Variants in MPPED2 observed in about 807,000 individuals in gnomAD.
The protein encoded by MPPED2 is metallophosphoesterase MPPED2.
Under a neutral mutation model 33.0 loss-of-function variants are expected in MPPED2, and 5 were observed. The observed-to-expected ratio is 0.15, with a 90% CI of 0.08 to 0.32. The LOEUF (loss-of-function observed/expected upper bound fraction) is 0.32, where lower values mean the gene tolerates loss of function less well. Ranked by LOEUF, MPPED2 falls within the 10% of genes least tolerant of loss-of-function variation. MPPED2 has a pLI of 1.00. For missense variants in MPPED2, 275 were observed against 372.1 expected (o/e 0.74, Z 2.15); for synonymous variants, 136 against 141.9 (o/e 0.96, Z 0.29).
At chr11:30,410,173 C>A, downstream of MPPED2, 1 of 985,604 alleles carries the variant, frequency 1.0e-6, no homozygotes, top group Non-Finnish European at 1.2e-6. Context: ...TCCCTCCTTC[C>A]CCAGGACGAA....
At chr11:30,560,933 C>T (rs1358918210) in intron 2 of MPPED2, among the ~76,000 whole-genome samples, 1 of 152,128 alleles carries the variant, frequency 6.6e-6, no homozygotes, top group Non-Finnish European at 1.5e-5. Context: ...TAACGTGAAC[C>T]CTGGGTTGAC....
At chr11:30,419,397 T>C (rs182685004) in intron 4 of MPPED2, among the ~76,000 whole-genome samples, 313 of 152,354 alleles carry the variant, frequency 2.1e-3, no homozygotes, top group Non-Finnish European at 3.4e-3. Context: ...GACTCTTCTG[T>C]ACTCTTTCAA....
At chr11:30,399,857 G>A (rs1178423765) in intron 6 of MPPED2, among the ~76,000 whole-genome samples, 10 of 152,068 alleles carry the variant, frequency 6.6e-5, no homozygotes, top group African/African-American at 2.4e-4. Flanking sequence ...TTTTTAACAT[G>A]TTTGTATCCA....
intron 3 of MPPED2, among the ~76,000 whole-genome samples, chr11:30,499,614 G>A (rs1194558068): frequency 6.6e-6 from 1 of 152,064 alleles, no homozygotes; most frequent in East Asian, 1.9e-4. Context: ...TCCTTGGTGA[G>A]TTTATATTTA....
chr11:30,492,279 A>G (rs576859408), intron 4 of MPPED2, among the ~76,000 whole-genome samples: 1 of 152,228 alleles, frequency 6.6e-6, no homozygotes, highest in African/African-American at 2.4e-5. Flanking sequence ...CACAGCTACA[A>G]TCTAGTTTAG....
At chr11:30,487,339 G>A (rs535400236) in intron 4 of MPPED2, among the ~76,000 whole-genome samples, 1 of 152,318 alleles carries the variant, frequency 6.6e-6, no homozygotes, top group South Asian at 2.1e-4. Context: ...GCCCAGGGCT[G>A]CTGTCTCTCT....
chr11:30,498,079 TC>T (rs1387498918), intron 3 of MPPED2, among the ~76,000 whole-genome samples: 6 of 151,666 alleles, frequency 4.0e-5, no homozygotes, highest in South Asian at 2.1e-4. Flanking sequence ...TTTTTTTTTT[TC>T]CAGACTAGAT....
intron 3 of MPPED2, among the ~76,000 whole-genome samples, chr11:30,524,231 C>T (rs777552569): frequency 1.4e-4 from 21 of 150,800 alleles, no homozygotes; most frequent in Non-Finnish European, 2.7e-4. Context: ...CCAGCCTGGG[C>T]GACAAGAGTG....
intron 6 of MPPED2, among the ~76,000 whole-genome samples, chr11:30,401,309 T>C (rs1447592335): frequency 6.6e-6 from 1 of 152,188 alleles, no homozygotes; most frequent in Non-Finnish European, 1.5e-5. Flanking sequence ...AAGGCTTTGG[T>C]TGGGTTCTCT....
chr11:30,440,429 A>G (rs1009548060), intron 4 of MPPED2, among the ~76,000 whole-genome samples: 6 of 152,146 alleles, frequency 3.9e-5, no homozygotes, highest in African/African-American at 1.4e-4. Context: ...GTGAGTAGCC[A>G]TGACAGAGAC....
At chr11:30,414,788 C>T (rs537195716) in intron 5 of MPPED2, among the ~76,000 whole-genome samples, 134 of 152,236 alleles carry the variant, frequency 8.8e-4, no homozygotes, top group Admixed American at 1.5e-3. Flanking sequence ...TCACAAGATA[C>T]CCAGCTCTCT....
intron 2 of MPPED2, among the ~76,000 whole-genome samples, chr11:30,546,605 G>A (rs1565172558): frequency 6.6e-6 from 1 of 152,188 alleles, no homozygotes; most frequent in South Asian, 2.1e-4. Context: ...ATGGCTAATG[G>A]GCCTTCTTTA....
At chr11:30,422,106 T>C (rs1948640127) in intron 4 of MPPED2, among the ~76,000 whole-genome samples, 1 of 152,252 alleles carries the variant, frequency 6.6e-6, no homozygotes, top group African/African-American at 2.4e-5. Flanking sequence ...AGGTCCTCAC[T>C]GGTTCAGTTT....
At chr11:30,459,206 T>C (rs890660748) in intron 4 of MPPED2, among the ~76,000 whole-genome samples, 5 of 152,146 alleles carry the variant, frequency 3.3e-5, no homozygotes, top group Non-Finnish European at 7.3e-5. Flanking sequence ...GCACAGTTCT[T>C]AAGGTAAAGG....
chr11:30,521,299 A>G (rs1953863239), intron 3 of MPPED2, among the ~76,000 whole-genome samples: 1 of 152,192 alleles, frequency 6.6e-6, no homozygotes, highest in Admixed American at 6.5e-5. Context: ...TAGGGATGTA[A>G]CCATATGTCT....
intron 2 of MPPED2, among the ~76,000 whole-genome samples, chr11:30,554,287 T>C (rs1360333254): frequency 6.6e-6 from 1 of 152,150 alleles, no homozygotes; most frequent in African/African-American, 2.4e-5. Flanking sequence ...TCATTCTGCT[T>C]GTCTGCCACT....
intron 2 of MPPED2, among the ~76,000 whole-genome samples, chr11:30,545,127 T>A (rs1267379519): frequency 6.6e-6 from 1 of 152,104 alleles, no homozygotes; most frequent in Non-Finnish European, 1.5e-5. Context: ...GGCTTGAACC[T>A]GGAGGGCATG....
At chr11:30,510,753 C>A (rs920309092) in intron 3 of MPPED2, among the ~76,000 whole-genome samples, 11 of 152,054 alleles carry the variant, frequency 7.2e-5, no homozygotes, top group African/African-American at 2.7e-4. Context: ...GCGTTCTGAC[C>A]GGAAACTGGA....
At chr11:30,504,867 A>C (rs1952748064) in intron 3 of MPPED2, 2 of 1,169,838 alleles carry the variant, frequency 1.7e-6, no homozygotes, top group Admixed American at 2.3e-5. Context: ...ACTATATTAC[A>C]ATAATGTCAG....
Sources: gnomAD v4.1 joint callset for allele counts (sites outside exome capture counted in the v4.1 genomes callset) on GRCh38, gnomAD v4.1.1 for gene constraint, MANE v1.5 for transcripts, NCBI Gene and HGNC (gene_info 2026-07-23, HGNC 2026-07-21) for gene names.